Variants in DOP1B observed in about 807,000 individuals in gnomAD.
DOP1B encodes DOP1 leucine zipper like protein B, also known as protein DOP1B.
In DOP1B, 174 loss-of-function variants were observed where a neutral mutation model predicts 233.5. The ratio of observed to expected loss-of-function variants is 0.75; its 90% CI spans 0.66 to 0.85. The LOEUF (loss-of-function observed/expected upper bound fraction) is 0.85, where lower values mean the gene tolerates loss of function less well. Ranked by LOEUF, DOP1B falls within the 40% of genes least tolerant of loss-of-function variation. The pLI, the probability that DOP1B is intolerant of heterozygous loss-of-function variation, is 0.00. For synonymous variants in DOP1B, 1,190 were observed against 1,185.6 expected (o/e 1.00, Z -0.08); for missense variants, 2,652 against 2,846.6 (o/e 0.93, Z 1.56).
In DOP1B at chr21:36,246,736, A is replaced by G; in HGVS notation, c.4697+59A>G. On this transcript the variant is annotated intron_variant, in intron 19 of 36. Transcript: ENST00000691173. The surrounding 1 kb of genome is among the most constrained non-coding windows in gnomAD (Gnocchi z 5.1). Reference sequence around the variant, plus strand: ...TTAGTGATGGTTTTTATAACGAATGACTGTTTTGCCACGGATGTGGATGTC... The same window carrying G: ...TTAGTGATGGTTTTTATAACGAATGGCTGTTTTGCCACGGATGTGGATGTC... The G allele has an allele frequency of 6.5e-7, 1 of 1,547,648 alleles. No homozygotes were observed. The highest frequency in any genetic ancestry group is 8.7e-7 in the Non-Finnish European group (1 of 1,142,976).
chr21:36,273,228 GA>G (rs1185272885), intron 27 of DOP1B, among the ~76,000 whole-genome samples: 1 of 151,834 alleles, frequency 6.6e-6, no homozygotes, highest in Non-Finnish European at 1.5e-5. Flanking sequence ...CCAGCATGAT[GA>G]AACCCTGTCT....
chr21:36,197,511 G>C (rs2066304961), intron 2 of DOP1B, among the ~76,000 whole-genome samples: 1 of 152,176 alleles, frequency 6.6e-6, no homozygotes, highest in Admixed American at 6.6e-5. Flanking sequence ...TTTGTTCTAG[G>C]CACTGTGCAG....
chr21:36,202,199 A>C (rs1012781325), intron 4 of DOP1B, among the ~76,000 whole-genome samples: 4 of 152,168 alleles, frequency 2.6e-5, no homozygotes, highest in African/African-American at 9.7e-5. Flanking sequence ...AAAAAAACAA[A>C]CAAACAAACA....
chr21:36,251,848 A>G (rs1447135460), intron 22 of DOP1B, among the ~76,000 whole-genome samples: 1 of 152,146 alleles, frequency 6.6e-6, no homozygotes, highest in Non-Finnish European at 1.5e-5. Context: ...AGTATATAGT[A>G]CTTGTGTTTA....
intron 2 of DOP1B, chr21:36,170,133 G>T (rs2065959132): frequency 3.7e-6 from 2 of 539,758 alleles, no homozygotes; most frequent in African/African-American, 1.9e-5. Context: ...CCTATGGCAG[G>T]AAGCAGAGGG....
At chr21:36,179,004 G>T (rs2066064321) in intron 2 of DOP1B, among the ~76,000 whole-genome samples, 1 of 152,088 alleles carries the variant, frequency 6.6e-6, no homozygotes, top group South Asian at 2.1e-4. Context: ...TCTGTTTTCT[G>T]TCACCATAGA....
intron 22 of DOP1B, among the ~76,000 whole-genome samples, chr21:36,251,802 C>T (rs1195983810): frequency 1.3e-5 from 2 of 152,154 alleles, no homozygotes; most frequent in African/African-American, 2.4e-5. Flanking sequence ...TAGGGAAGAG[C>T]GCACCTGACT....
At chr21:36,207,923 C>T (rs999528417) in intron 4 of DOP1B, among the ~76,000 whole-genome samples, 6 of 152,184 alleles carry the variant, frequency 3.9e-5, no homozygotes, top group African/African-American at 1.4e-4. Context: ...GGGACACCAC[C>T]GAACAGACAT....
At chr21:36,258,016 TAGAG>T (rs1418646782) in intron 23 of DOP1B, among the ~76,000 whole-genome samples, 5 of 149,668 alleles carry the variant, frequency 3.3e-5, no homozygotes, top group Non-Finnish European at 5.9e-5. Context: ...GGTAGATAGG[TAGAG>T]AGATAGATGT....
intron 2 of DOP1B, chr21:36,169,521 CGAT>C: frequency 9.0e-7 from 1 of 1,116,730 alleles, no homozygotes; most frequent in Non-Finnish European, 1.3e-6. Context: ...TTGGTCACCC[CGAT>C]GATGTCGATC....
chr21:36,254,244 G>A (rs2123615277), intron 23 of DOP1B, among the ~76,000 whole-genome samples: 1 of 152,250 alleles, frequency 6.6e-6, no homozygotes, highest in East Asian at 1.9e-4. Flanking sequence ...CCTGCCTCAA[G>A]GAGCTCGCAG....
chr21:36,204,092 G>A (rs2066401760), intron 4 of DOP1B, among the ~76,000 whole-genome samples: 1 of 152,020 alleles, frequency 6.6e-6, no homozygotes, highest in Non-Finnish European at 1.5e-5. Flanking sequence ...TGCCTCTCAG[G>A]GTACATTTGA....
chr21:36,214,209 A>G lies in DOP1B; in HGVS notation c.1014+19A>G, dbSNP rs1189896052. 2.5e-6 allele frequency: 4 copies of G among 1,590,800 alleles called. No homozygotes were observed. In the African/African-American group the frequency reaches 5.4e-5, roughly 21 times the overall value. Reference sequence around the variant, plus strand: ...AGTTGAGGTAAAGGAGCATTTCCGGAAAGTTCAGGGTATCCTTGGTGACGA... The same window carrying G: ...AGTTGAGGTAAAGGAGCATTTCCGGGAAGTTCAGGGTATCCTTGGTGACGA... On this transcript the variant is annotated intron_variant, in intron 8 of 36. Transcript: ENST00000691173.
At chr21:36,199,045 G>T (rs1333325592) in intron 2 of DOP1B, 25 bp from the exon 3 acceptor site, 9 of 1,600,698 alleles carry the variant, frequency 5.6e-6, no homozygotes, top group Non-Finnish European at 7.7e-6. Flanking sequence ...TCTTCCTCAT[G>T]TGTTTTTTTT....
intron 35 of DOP1B, among the ~76,000 whole-genome samples, chr21:36,290,925 G>A (rs940944511): frequency 1.3e-5 from 2 of 150,980 alleles, no homozygotes; most frequent in Non-Finnish European, 2.9e-5. Context: ...AGCCGACATC[G>A]CACCACTGCA....
At chr21:36,204,435 T>C (rs1445620822) in intron 4 of DOP1B, among the ~76,000 whole-genome samples, 1 of 152,092 alleles carries the variant, frequency 6.6e-6, no homozygotes, top group Non-Finnish European at 1.5e-5. Flanking sequence ...AGGGCCCCTA[T>C]CGTGGAGGAA....
In DOP1B at chr21:36,214,528, C is replaced by T. The variant is rs1414584363; in HGVS notation, c.1101C>T (p.Leu367=). Reference sequence around the variant, plus strand: ...CATACCTGAAGCCTTTTCGCGTCCTCATCAGTCTGCTTGACAAGCCAGAAA... The same window carrying T: ...CATACCTGAAGCCTTTTCGCGTCCTTATCAGTCTGCTTGACAAGCCAGAAA... The part of the protein sequence containing the change: ...HHAYLKPFRV[L]ISLLDKPEIG... The change falls in exon 9 of 37, where the codon CTC becomes CTT. Residue 367 remains leucine, a synonymous_variant. Transcript: ENST00000691173. The T allele has an allele frequency of 6.2e-7, 1 of 1,613,996 alleles. No individual in the cohort carries two copies. Among genetic ancestry groups the T allele is most frequent in the Non-Finnish European group, 8.5e-7 (1 of 1,180,024 alleles).
rs1043798528 is a variant in DOP1B at position 36,261,501 on chromosome 21, C to G, written c.5315+769C>G. The G allele has an allele frequency of 6.1e-6, 6 of 985,178 alleles. No homozygotes were observed. The African/African-American group carries it at 1.0e-4, about 17-fold the overall frequency. 61.0% of individuals were successfully genotyped at this position (985,178 alleles called of 1,614,324 possible). A position where few individuals can be genotyped will look rare whatever the true frequency, so the allele number is the denominator to read the frequency against. On this transcript the variant is annotated intron_variant, in intron 24 of 36. Transcript: ENST00000691173. Reference sequence around the variant, plus strand: ...GTATTAGGTGTCTCAGCTAAGAGAGCATTAAAGGGGATTCCGCAGGTTTTT... The same window carrying G: ...GTATTAGGTGTCTCAGCTAAGAGAGGATTAAAGGGGATTCCGCAGGTTTTT...
intron 2 of DOP1B, among the ~76,000 whole-genome samples, chr21:36,185,188 TTTTTAA>T (rs10604448): frequency 0.24 from 36,946 of 152,150 alleles, 4,747 homozygotes; most frequent in African/African-American, 0.32. Flanking sequence ...TTATTTTATA[TTTTTAA>T]TGGTATGATT....
Sources: gnomAD v4.1 joint callset for allele counts (sites outside exome capture counted in the v4.1 genomes callset) on GRCh38, gnomAD v4.1.1 for gene constraint, Gnocchi (gnomAD v3.1) non-coding constraint, MANE v1.5 for transcripts, NCBI Gene and HGNC (gene_info 2026-07-23, HGNC 2026-07-21) for gene names.